The following COL6A3 variants were observed in gnomAD, a reference collection of about 807,000 sequenced individuals.
COL6A3 encodes the protein collagen type VI alpha 3 chain, also known as collagen alpha-3(VI) chain.
In COL6A3, 137 loss-of-function variants were observed where a neutral mutation model predicts 274.1. The ratio of observed to expected loss-of-function variants is 0.50; its 90% CI spans 0.44 to 0.58. The LOEUF (loss-of-function observed/expected upper bound fraction) is 0.58, where lower values mean the gene tolerates loss of function less well. Ranked by LOEUF, COL6A3 falls within the 20% of genes least tolerant of loss-of-function variation. The pLI, the probability that COL6A3 is intolerant of heterozygous loss-of-function variation, is 0.00. For missense variants in COL6A3, 3,950 were observed against 4,124.9 expected, an observed-to-expected ratio of 0.96 and a Z score of 1.16; for synonymous variants, 1,650 against 1,650.6, an observed-to-expected ratio of 1.00 and a Z score of 0.01.
Position 237,364,901 on chromosome 2 carries a change from G to C in COL6A3, c.5839-473C>G, listed in dbSNP as rs55641746. Among the ~76,000 whole-genome samples, 1 of 150,508 alleles carries C rather than the reference G, an allele frequency of 6.6e-6. No individual in the cohort carries two copies. Among genetic ancestry groups the C allele is most frequent in the African/African-American group, 2.4e-5 (1 of 40,872 alleles). ...TGTATGGGTGCATGTGCGTGCATGT[G>C]TGTGGGTGCATGTCTGTGGGTGTGT... is the stretch of plus-strand genomic sequence containing the variant. On this transcript the variant is annotated intron_variant, in intron 12 of 43. Coordinates refer to ENST00000295550, the MANE Select transcript of COL6A3 (RefSeq NM_004369.4). This position sits in a 1 kb window ranked among gnomAD's most constrained non-coding sequence, Gnocchi z 4.6.
chr2:237,410,188 T>G (rs1262009245), intron 1 of COL6A3, among the ~76,000 whole-genome samples: 1 of 152,002 alleles, frequency 6.6e-6, no homozygotes, highest in African/African-American at 2.4e-5. Context: ...CAGGCACCAC[T>G]TCAGAGATTT....
rs1368664303 is a variant in COL6A3, at chr2:237,352,535, A to G, written c.6740T>C (p.Ile2247Thr). 1 of 1,613,038 alleles carries G rather than the reference A, an allele frequency of 6.2e-7. No homozygotes were observed. Among genetic ancestry groups the G allele is most frequent in the Admixed American group, 1.7e-5 (1 of 59,956 alleles). Reference sequence around the variant, plus strand: ...GGACAGGCTTACCCGAGGTCCAGAAATGCCTTGTTCTCCTATCAGCCCTGG... The same window carrying G: ...GGACAGGCTTACCCGAGGTCCAGAAGTGCCTTGTTCTCCTATCAGCCCTGG... ...GPPGLIGEQG[I>T]SGPRGSGGAA... Residue 2247 changes from isoleucine to threonine, a missense_variant, in exon 26 of 44, where the codon ATT becomes ACT. By Grantham distance (89) the Ile-to-Thr change is moderately conservative. Transcript: ENST00000295550.
rs1234768334 is a variant in COL6A3, at chr2:237,359,472, C to G, written c.6283-84G>C. 7 of 1,357,064 alleles carry G rather than the reference C, an allele frequency of 5.2e-6. No individual in the cohort carries two copies. The East Asian group carries it at 9.2e-5, about 18-fold the overall frequency. 84.1% of individuals were successfully genotyped at this position (1,357,064 alleles called of 1,614,324 possible). ...CAGAAGAGGCCAAGGGCTGTTCCCCCACTCCACCCCATTTGAATGTTGCAG... is the reference window on the plus strand; with the variant it reads ...CAGAAGAGGCCAAGGGCTGTTCCCCGACTCCACCCCATTTGAATGTTGCAG... On this transcript the variant is annotated intron_variant, in intron 17 of 43. Coordinates refer to ENST00000295550, the MANE Select transcript of COL6A3 (RefSeq NM_004369.4).
intron 1 of COL6A3, among the ~76,000 whole-genome samples, chr2:237,404,344 AC>A (rs969401686): frequency 2.6e-5 from 4 of 151,912 alleles, no homozygotes; most frequent in Non-Finnish European, 5.9e-5. Flanking sequence ...GCCACTCCTC[AC>A]CCCCCAAAAG....
chr2:237,363,122 TA>T, intron 14 of COL6A3, 130 bp downstream of exon 14: 1 of 930,230 alleles, frequency 1.1e-6, no homozygotes, highest in Non-Finnish European at 1.7e-6. Flanking sequence ...GTGAATTAAA[TA>T]AATTTAACTA....
chr2:237,353,564 A>G (rs560239489), intron 24 of COL6A3, among the ~76,000 whole-genome samples, 161 bp from the exon 25 acceptor site: 1 of 152,168 alleles, frequency 6.6e-6, no homozygotes, highest in Non-Finnish European at 1.5e-5. Flanking sequence ...CCCAGGTGAG[A>G]CACTGAGCAC....
chr2:237,388,287 C>G, intron 3 of COL6A3, 103 bp from the exon 4 acceptor site: 1 of 1,434,170 alleles, frequency 7.0e-7, no homozygotes, highest in Non-Finnish European at 9.7e-7. Context: ...ATAAGAAACA[C>G]GAAATATGGG....
At chr2:237,393,794 G>A (rs1053401970) in intron 3 of COL6A3, among the ~76,000 whole-genome samples, 1 of 152,248 alleles carries the variant, frequency 6.6e-6, no homozygotes, top group African/African-American at 2.4e-5. Context: ...AGAGCTAACA[G>A]GCTTAACTGG....
chr2:237,372,270 CT>C lies in COL6A3; in HGVS notation c.3746del (p.Gln1249ArgfsTer7). On this transcript the variant is annotated frameshift_variant, in exon 9 of 44. Transcript: ENST00000295550. LOFTEE classifies it high-confidence loss of function. Reference sequence around the variant, plus strand: ...GCCTCTCTATGAGGGTGCGAACGTACTGGAACTCAGGCCCGGCACTTTGGGA... The same window carrying C: ...GCCTCTCTATGAGGGTGCGAACGTACGGAACTCAGGCCCGGCACTTTGGGA... ...DGSQSAGPEF[Q>X]YVRTLIERLV... 1 of 1,613,580 alleles carries C rather than the reference CT, an allele frequency of 6.2e-7. No homozygotes were observed.
chr2:237,364,298 A>G lies in COL6A3; in HGVS notation c.5917+52T>C. 1.2e-5 allele frequency: 17 copies of G among 1,407,452 alleles called. No individual in the cohort carries two copies. Among genetic ancestry groups the G allele is most frequent in the Middle Eastern group, 3.6e-4 (2 of 5,622 alleles). 87.2% of individuals were successfully genotyped at this position (1,407,452 alleles called of 1,614,324 possible). On this transcript the variant is annotated intron_variant, in intron 13 of 43. Transcript: ENST00000295550. This position sits in a 1 kb window ranked among gnomAD's most constrained non-coding sequence, Gnocchi z 4.6. ...AGGTTTCTCTCCAGCAGAGCAGTAC[A>G]CCCCGCCTCACCAGGGTTTACTTCT...
At chr2:237,365,671 G>A in intron 12 of COL6A3, 27 bp downstream of exon 12, 1 of 1,608,760 alleles carries the variant, frequency 6.2e-7, no homozygotes, top group South Asian at 1.1e-5. Context: ...TTCCCAGGGA[G>A]CACCTGAACC....
chr2:237,376,665 G>T, intron 7 of COL6A3, 107 bp downstream of exon 7: 1 of 1,126,338 alleles, frequency 8.9e-7, no homozygotes, highest in South Asian at 1.2e-5. Flanking sequence ...CACCTTTCCT[G>T]TAAACTCAAG....
At position 237,371,562 on chromosome 2, in the gene COL6A3, C is replaced by T; in HGVS notation, c.4285+170G>A. 2 of 1,415,630 alleles carry T rather than the reference C, an allele frequency of 1.4e-6. No individual in the cohort carries two copies. The highest frequency in any genetic ancestry group is 2.5e-5 in the Admixed American group (1 of 39,992). 87.7% of individuals were successfully genotyped at this position (1,415,630 alleles called of 1,614,324 possible). On this transcript the variant is annotated intron_variant, in intron 9 of 43. Coordinates refer to ENST00000295550, the MANE Select transcript of COL6A3 (RefSeq NM_004369.4). The surrounding 1 kb of genome is among the most constrained non-coding windows in gnomAD (Gnocchi z 4.3). ...AAAATGAGTTATGATCATGCCACTG[C>T]ACTCCAGCCTGGACGACAGAGCCAG... is the stretch of plus-strand genomic sequence containing the variant.
At chr2:237,353,521 C>T (rs947900253) in intron 24 of COL6A3, 118 bp from the exon 25 acceptor site, 3 of 836,084 alleles carry the variant, frequency 3.6e-6, no homozygotes, top group Non-Finnish European at 6.0e-6. Flanking sequence ...AAACTCAGCT[C>T]TTCCAGAGGT....
chr2:237,366,585 A>G, intron 11 of COL6A3, 102 bp downstream of exon 11: 1 of 1,579,824 alleles, frequency 6.3e-7, no homozygotes. Flanking sequence ...TGAAGCAACC[A>G]AATGCCTAAG....
Position 237,388,056 on chromosome 2 carries a change from G to C in COL6A3, c.838C>G (p.Arg280Gly), listed in dbSNP as rs549047014. 3 of 1,614,198 alleles carry C rather than the reference G, an allele frequency of 1.9e-6. No homozygotes were observed. Among genetic ancestry groups the C allele is most frequent in the Non-Finnish European group, 1.7e-6 (2 of 1,180,040 alleles). The change falls in exon 4 of 44, where the codon CGA becomes GGA. Residue 280 changes from arginine to glycine, a missense_variant. Transcript: ENST00000295550. ...TCGCTAAACTGGACCACCCCCACTC[G>C]GATCTGCTGAGTTCCAATTGGGAGT... ...EKLPIGTQQIRVGVVQFSDEP... is the reference protein window; with the variant it reads ...EKLPIGTQQIGVGVVQFSDEP...
In COL6A3 at chr2:237,345,166, A is replaced by T; in HGVS notation, c.7125+15T>A. The T allele has an allele frequency of 6.2e-7, 1 of 1,614,198 alleles. No individual in the cohort carries two copies. The highest frequency in any genetic ancestry group is 8.5e-7 in the Non-Finnish European group (1 of 1,180,028). On this transcript the variant is annotated intron_variant, in intron 33 of 43. Transcript: ENST00000295550. ...TCATGAGGTTAATGAGTCATTCTGG[A>T]CACATGCAACTTACATCGATGGAGT...
intron 17 of COL6A3, among the ~76,000 whole-genome samples, chr2:237,359,828 A>G (rs2077395818): frequency 6.6e-6 from 1 of 152,132 alleles, no homozygotes; most frequent in Non-Finnish European, 1.5e-5. Context: ...GCCCTGGCCC[A>G]TGTTCTCTCC....
chr2:237,341,203 A>G, intron 37 of COL6A3, 53 bp from the exon 38 acceptor site: 1 of 1,500,052 alleles, frequency 6.7e-7, no homozygotes, highest in Non-Finnish European at 9.3e-7. Context: ...AGCAGGATAC[A>G]CAGCTCATCA....
Sources: allele counts gnomAD v4.1 joint callset (sites outside exome capture counted in the v4.1 genomes callset), GRCh38; gene constraint gnomAD v4.1.1; non-coding constraint Gnocchi (gnomAD v3.1); transcripts MANE v1.5; gene names NCBI Gene and HGNC (gene_info 2026-07-23, HGNC 2026-07-21).